ARSB: variants seen among roughly 807,000 people sequenced by gnomAD.
ARSB encodes the protein arylsulfatase B, also known as N-acetylgalactosamine-4-sulfatase.
In ARSB, 41 loss-of-function variants were observed where a neutral mutation model predicts 50.9. The ratio of observed to expected loss-of-function variants is 0.81; its 90% CI spans 0.63 to 1.04. ARSB has a LOEUF of 1.04. Ranked by LOEUF, ARSB falls within the 50% of genes least tolerant of loss-of-function variation. The probability of loss-of-function intolerance (pLI) is 0.00; values close to 1 mark genes in which losing one functional copy is unlikely to be tolerated. For missense variants in ARSB, 672 were observed against 693.3 expected, an observed-to-expected ratio of 0.97 and a Z score of 0.35; for synonymous variants, 269 against 284.8, an observed-to-expected ratio of 0.94 and a Z score of 0.56.
chr5:78,930,916 C>T (rs1285313918), intron 4 of ARSB, among the ~76,000 whole-genome samples: 2 of 152,300 alleles, frequency 1.3e-5, no homozygotes, highest in South Asian at 2.1e-4. Context: ...AGGCCCTCCA[C>T]GGAAGAGCAA....
chr5:78,805,832 C>T (rs575044748), intron 6 of ARSB, among the ~76,000 whole-genome samples: 2 of 152,258 alleles, frequency 1.3e-5, no homozygotes, highest in South Asian at 2.1e-4. Context: ...GAACTGGTCG[C>T]GGTGCCGAAC....
chr5:78,834,957 TC>T (rs1744885349), intron 6 of ARSB, among the ~76,000 whole-genome samples: 1 of 83,630 alleles, frequency 1.2e-5, no homozygotes, highest in Non-Finnish European at 2.9e-5. Flanking sequence ...TATTTTCCCC[TC>T]CCTCCCTCCC....
At position 78,985,128 on chromosome 5, in the gene ARSB, C is replaced by G. The variant is rs1318459636; in HGVS notation, c.121G>C (p.Ala41Pro). The G allele has an allele frequency of 1.4e-6, 2 of 1,475,556 alleles. No individual in the cohort carries two copies. Among genetic ancestry groups the G allele is most frequent in the Non-Finnish European group, 1.8e-6 (2 of 1,112,734 alleles). The allele number at this position is 1,475,556 out of a possible 1,614,324, so 91.4% of individuals were successfully genotyped here. The change falls in exon 1 of 8, where the codon GCC becomes CCC. Residue 41 changes from alanine to proline, a missense_variant. Ala to Pro is a conservative substitution (Grantham distance 27, BLOSUM62 -1). Transcript: ENST00000264914. ...AAGACCAGGTGGGGCGGCCGGCTGG[C>G]CCCGGCGCCCGAGCCCGGCGGCGCC... ...LLAPPGSGAG[A>P]SRPPHLVFLL...
chr5:78,853,329 C>A (rs976751560), intron 5 of ARSB, among the ~76,000 whole-genome samples: 2 of 152,172 alleles, frequency 1.3e-5, no homozygotes, highest in African/African-American at 4.8e-5. Flanking sequence ...CACTCCAGAC[C>A]CTGTTTGCCT....
intron 4 of ARSB, among the ~76,000 whole-genome samples, chr5:78,894,330 C>T (rs1580012017): frequency 6.6e-6 from 1 of 152,338 alleles, no homozygotes; most frequent in Middle Eastern, 3.4e-3. Flanking sequence ...TCAACTATTT[C>T]AATTTGTCTT....
chr5:78,858,506 T>A (rs1746266581), intron 5 of ARSB, among the ~76,000 whole-genome samples: 1 of 152,152 alleles, frequency 6.6e-6, no homozygotes, highest in African/African-American at 2.4e-5. Flanking sequence ...TAGTTTCCAG[T>A]TTTTGATTTT....
At chr5:78,834,428 A>C (rs1744840454) in intron 6 of ARSB, among the ~76,000 whole-genome samples, 1 of 151,342 alleles carries the variant, frequency 6.6e-6, no homozygotes, top group Non-Finnish European at 1.5e-5. Context: ...GGCAACCACC[A>C]TTCTATTTTC....
intron 5 of ARSB, among the ~76,000 whole-genome samples, chr5:78,880,294 T>C (rs1747689979): frequency 6.6e-6 from 1 of 152,232 alleles, no homozygotes; most frequent in South Asian, 2.1e-4. Context: ...AATTTAGCTA[T>C]ATGGACAAAC....
rs1298720532 is a variant in ARSB at position 78,955,445 on chromosome 5, C to T, written c.748G>A (p.Glu250Lys). 1 of 1,614,048 alleles carries T rather than the reference C, an allele frequency of 6.2e-7. No individual in the cohort carries two copies. The highest frequency in any genetic ancestry group is 1.3e-5 in the African/African-American group (1 of 74,912). Reference sequence around the variant, plus strand: ...ATAAAGTCATATGGCTTCAAGTATTCCTCAGGGACCTGAAGGGGCTCATGC... The same window carrying T: ...ATAAAGTCATATGGCTTCAAGTATTTCTCAGGGACCTGAAGGGGCTCATGC... ...SVHEPLQVPE[E>K]YLKPYDFIQD... The change falls in exon 4 of 8, where the codon GAA becomes AAA. Residue 250 changes from glutamate to lysine, a missense_variant. Glu to Lys is a moderately conservative substitution (Grantham distance 56, BLOSUM62 1). Transcript: ENST00000264914.
At chr5:78,942,387 GTAGACC>G (rs1750980940) in intron 4 of ARSB, among the ~76,000 whole-genome samples, 1 of 31,194 alleles carries the variant, frequency 3.2e-5, no homozygotes, top group African/African-American at 1.1e-4. Context: ...GGTGTCAATT[GTAGACC>G]TTTCCTGCTT....
chr5:78,913,777 A>C (rs1561498437), intron 4 of ARSB, among the ~76,000 whole-genome samples: 1 of 152,156 alleles, frequency 6.6e-6, no homozygotes, highest in Non-Finnish European at 1.5e-5. Flanking sequence ...TGGGGGAAAA[A>C]AAATTTCTTT....
intron 6 of ARSB, among the ~76,000 whole-genome samples, chr5:78,819,028 A>G (rs1278069081): frequency 6.6e-6 from 1 of 152,082 alleles, no homozygotes; most frequent in Non-Finnish European, 1.5e-5. Flanking sequence ...CCGTTGAAGG[A>G]GTTTAATTTC....
At chr5:78,912,404 T>G (rs1160948699) in intron 4 of ARSB, among the ~76,000 whole-genome samples, 1 of 152,238 alleles carries the variant, frequency 6.6e-6, no homozygotes, top group Non-Finnish European at 1.5e-5. Flanking sequence ...ACAGCTCGTC[T>G]GTAACTCAGC....
chr5:78,878,891 T>C (rs1747610453), intron 5 of ARSB, among the ~76,000 whole-genome samples: 1 of 152,206 alleles, frequency 6.6e-6, no homozygotes, highest in Non-Finnish European at 1.5e-5. Context: ...TCTTGCTCTG[T>C]TGCCCAGGCT....
rs530913809 is a variant in ARSB, at chr5:78,922,747, A to G, written c.898+32548T>C. On this transcript the variant is annotated intron_variant, in intron 4 of 7. Transcript: ENST00000264914. ...CACAGTGAGGTAAAGTACCAAGCTG[A>G]CTCTTGATATCCCTGATTCCAGGCC... 6.6e-5 allele frequency among the ~76,000 whole-genome samples: 10 copies of G among 151,556 alleles called. No individual in the cohort carries two copies. The East Asian group carries it at 2.0e-3, about 30-fold the overall frequency.
intron 1 of ARSB, among the ~76,000 whole-genome samples, chr5:78,978,819 AT>A (rs1752778610): frequency 6.6e-6 from 1 of 152,358 alleles, no homozygotes; most frequent in African/African-American, 2.4e-5. Flanking sequence ...CAAATTGTAC[AT>A]AAAAATGAAC....
intron 4 of ARSB, among the ~76,000 whole-genome samples, chr5:78,887,347 T>A (rs568929750): frequency 3.5e-4 from 53 of 152,214 alleles, no homozygotes; most frequent in African/African-American, 1.3e-3. Context: ...TGGCGACTAA[T>A]CCATTCCCTT....
chr5:78,937,697 GAC>G (rs879271635), intron 4 of ARSB, among the ~76,000 whole-genome samples: 2 of 151,574 alleles, frequency 1.3e-5, no homozygotes, highest in Non-Finnish European at 2.9e-5. Context: ...TCAATGGTTT[GAC>G]ACAGAGAATA....
chr5:78,865,279 G>A (rs1454610498), intron 5 of ARSB, among the ~76,000 whole-genome samples: 1 of 152,172 alleles, frequency 6.6e-6, no homozygotes, highest in Non-Finnish European at 1.5e-5. Flanking sequence ...CTCAACTTCT[G>A]TGCACTGGCA....
Sources: gnomAD v4.1 joint callset for allele counts (sites outside exome capture counted in the v4.1 genomes callset) on GRCh38, gnomAD v4.1.1 for gene constraint, MANE v1.5 for transcripts, NCBI Gene and HGNC (gene_info 2026-07-23, HGNC 2026-07-21) for gene names.